The following ULK4 variants were observed in gnomAD, a reference collection of about 807,000 sequenced individuals.
The protein encoded by ULK4 is inactive serine/threonine-protein kinase ULK4.
In ULK4, 133 loss-of-function variants were observed where a neutral mutation model predicts 160.6. The observed-to-expected ratio is 0.83, with a 90% CI of 0.72 to 0.96. The LOEUF is 0.96. Ranked by LOEUF, ULK4 falls within the 40% of genes least tolerant of loss-of-function variation. ULK4 has a pLI of 0.00. For synonymous variants in ULK4, 534 were observed against 539.8 expected (o/e 0.99, Z 0.15); for missense variants, 1,580 against 1,499.5 (o/e 1.05, Z -0.89).
chr3:41,802,718 G>A (rs957143272), intron 19 of ULK4, among the ~76,000 whole-genome samples: 1 of 152,130 alleles, frequency 6.6e-6, no homozygotes, highest in Non-Finnish European at 1.5e-5. Flanking sequence ...TTATTCTGGT[G>A]TAAGGTTCTT....
intron 34 of ULK4, among the ~76,000 whole-genome samples, chr3:41,410,355 T>G (rs2082386521): frequency 6.6e-6 from 1 of 152,170 alleles, no homozygotes. Context: ...TAATAAGGAA[T>G]GAAGCACTGA....
intron 32 of ULK4, among the ~76,000 whole-genome samples, chr3:41,543,511 C>T (rs1033380890): frequency 1.3e-5 from 2 of 152,094 alleles, no homozygotes; most frequent in African/African-American, 4.8e-5. Flanking sequence ...CAAATACAGT[C>T]CTCTGGGTTA....
At position 41,868,177 on chromosome 3, in the gene ULK4, C is replaced by T. The variant is rs375124473; in HGVS notation, c.1656+15697G>A. Among the ~76,000 whole-genome samples, 16 of 152,202 alleles carry T rather than the reference C, an allele frequency of 1.1e-4. No homozygotes were observed. The East Asian group carries it at 1.9e-3, about 18-fold the overall frequency. On this transcript the variant is annotated intron_variant, in intron 17 of 36. Transcript: ENST00000301831. ...CATGTTCTCACATAATTTTTATCTA[C>T]TTATTTTAAAAATATCCAACAATAA...
intron 35 of ULK4, among the ~76,000 whole-genome samples, chr3:41,373,262 G>A (rs751122773): frequency 5.3e-5 from 8 of 152,104 alleles, no homozygotes; most frequent in Non-Finnish European, 7.4e-5. Flanking sequence ...TTCAGTACTT[G>A]AATTCAGCTA....
chr3:41,737,634 T>G (rs2038101745), intron 22 of ULK4, among the ~76,000 whole-genome samples: 1 of 151,932 alleles, frequency 6.6e-6, no homozygotes, highest in Admixed American at 6.5e-5. Context: ...ATGCACATCC[T>G]TTAATTTATA....
chr3:41,923,322 A>G (rs968625368), intron 5 of ULK4, among the ~76,000 whole-genome samples: 1 of 152,090 alleles, frequency 6.6e-6, no homozygotes, highest in African/African-American at 2.4e-5. Context: ...AACATGGTGA[A>G]ACCCCATCTC....
chr3:41,306,447 G>C (rs1408298343), intron 35 of ULK4, among the ~76,000 whole-genome samples: 1 of 147,866 alleles, frequency 6.8e-6, no homozygotes, highest in Admixed American at 6.6e-5. Flanking sequence ...CCTCTGCCCG[G>C]CCAGTGGCCC....
At chr3:41,915,098 G>C (rs957496745) in intron 8 of ULK4, among the ~76,000 whole-genome samples, 2 of 152,196 alleles carry the variant, frequency 1.3e-5, no homozygotes, top group African/African-American at 2.4e-5. Flanking sequence ...ATAGCATACA[G>C]TTATAAATGT....
chr3:41,848,828 C>G (rs1392915548), intron 17 of ULK4, among the ~76,000 whole-genome samples: 2 of 152,176 alleles, frequency 1.3e-5, no homozygotes, highest in Admixed American at 1.3e-4. Flanking sequence ...CCCTTTATGC[C>G]TAAGTTAGGC....
chr3:41,844,734 G>A (rs977629330), intron 17 of ULK4, among the ~76,000 whole-genome samples: 4 of 149,746 alleles, frequency 2.7e-5, no homozygotes, highest in Middle Eastern at 3.5e-3. Context: ...CTCTCAATAC[G>A]TTGCTGGTGA....
intron 30 of ULK4, among the ~76,000 whole-genome samples, chr3:41,650,492 G>C (rs911097434): frequency 6.6e-6 from 1 of 152,196 alleles, no homozygotes; most frequent in African/African-American, 2.4e-5. Context: ...GAGGCTGCTT[G>C]TGGTATGCCT....
rs1337642075 is a variant in ULK4 at position 41,484,735 on chromosome 3, A to G, written c.3227-21482T>C. 3.3e-5 allele frequency among the ~76,000 whole-genome samples: 5 copies of G among 152,090 alleles called. No homozygotes were observed. In the East Asian group the frequency reaches 9.7e-4, roughly 29 times the overall value. ...CCAAAGTGCTGGGATTACAGGCGTG[A>G]GCCACCGCGCCCGGCCCGAGTGACC... On this transcript the variant is annotated intron_variant, in intron 32 of 36. Transcript: ENST00000301831.
intron 32 of ULK4, among the ~76,000 whole-genome samples, chr3:41,564,110 A>G (rs1349799473): frequency 6.6e-6 from 1 of 152,094 alleles, no homozygotes; most frequent in African/African-American, 2.4e-5. Context: ...TCCTTCTTAC[A>G]GTCAGGTCCC....
chr3:41,310,232 T>C (rs1486075703), intron 35 of ULK4, among the ~76,000 whole-genome samples: 2 of 152,210 alleles, frequency 1.3e-5, no homozygotes, highest in East Asian at 3.8e-4. Flanking sequence ...CTCTATACTT[T>C]CACATTGTGA....
intron 22 of ULK4, among the ~76,000 whole-genome samples, chr3:41,748,674 C>T (rs867629139): frequency 3.3e-5 from 5 of 152,174 alleles, no homozygotes; most frequent in Admixed American, 6.5e-5. Flanking sequence ...TTATTCTCTT[C>T]CTAATCCTGT....
chr3:41,576,565 T>C (rs1054695976), intron 31 of ULK4, among the ~76,000 whole-genome samples: 1 of 152,164 alleles, frequency 6.6e-6, no homozygotes, highest in Non-Finnish European at 1.5e-5. Context: ...CTTCTAGAAA[T>C]CAACTAGTCA....
chr3:41,405,424 G>A (rs1176343856), intron 34 of ULK4, among the ~76,000 whole-genome samples: 1 of 152,156 alleles, frequency 6.6e-6, no homozygotes, highest in Non-Finnish European at 1.5e-5. Context: ...TGTGAATAGT[G>A]CTGCAGTGAA....
At chr3:41,424,742 T>G (rs1168381558) in intron 34 of ULK4, among the ~76,000 whole-genome samples, 1 of 138,390 alleles carries the variant, frequency 7.2e-6, no homozygotes, top group East Asian at 2.2e-4. Context: ...AACAACAGCA[T>G]CAACAGGAAA....
chr3:41,746,812 T>C lies in ULK4; in HGVS notation c.2321+7549A>G, dbSNP rs146560577. On this transcript the variant is annotated intron_variant, in intron 22 of 36. Transcript: ENST00000301831. ...ATAAAGGGACAGACACACAGATAAA[T>C]TGAAAAGTTTAGAGAACCCAGAAGC... Among the ~76,000 whole-genome samples the C allele has an allele frequency of 5.3e-4, 80 of 151,908 alleles. 2 individuals carry two copies. The East Asian group carries it at 0.013, about 25-fold the overall frequency.
Sources: allele counts gnomAD v4.1 joint callset (sites outside exome capture counted in the v4.1 genomes callset), GRCh38; gene constraint gnomAD v4.1.1; transcripts MANE v1.5; gene names NCBI Gene and HGNC (gene_info 2026-07-23, HGNC 2026-07-21).